The following TTC7A variants were observed in gnomAD, a reference collection of about 807,000 sequenced individuals.
TTC7A encodes tetratricopeptide repeat domain 7A, also known as tetratricopeptide repeat protein 7A.
Under a neutral mutation model 103.7 loss-of-function variants are expected in TTC7A, and 110 were observed. The observed-to-expected ratio is 1.06, with a 90% CI of 0.91 to 1.24. The LOEUF is 1.24. TTC7A is among the 50% of genes most tolerant of loss of function. The pLI is 0.00. For missense variants in TTC7A, 1,340 were observed against 1,116.3 expected (o/e 1.20, Z -2.86); for synonymous variants, 521 against 467.9 (o/e 1.11, Z -1.47).
chr2:46,991,158 C>T lies in TTC7A; in HGVS notation c.765-2292C>T, dbSNP rs78411674. On this transcript the variant is annotated intron_variant, in intron 5 of 19. Transcript: ENST00000319190. ...CTTGAACTACTGACCTCAAGTGATCCGCCAGCCTCGGCCTCCCAAAGTGCT... is the reference window on the plus strand; with the variant it reads ...CTTGAACTACTGACCTCAAGTGATCTGCCAGCCTCGGCCTCCCAAAGTGCT... Among the ~76,000 whole-genome samples the T allele has an allele frequency of 2.3e-4, 35 of 151,940 alleles. No homozygotes were observed. In the East Asian group the frequency reaches 6.9e-3, roughly 30 times the overall value.
At chr2:46,992,526 C>T (rs1411994147) in intron 5 of TTC7A, among the ~76,000 whole-genome samples, 1 of 152,156 alleles carries the variant, frequency 6.6e-6, no homozygotes, top group Non-Finnish European at 1.5e-5. Context: ...TGCTTGAGTG[C>T]TGGGGGCTGA....
intron 2 of TTC7A, among the ~76,000 whole-genome samples, chr2:46,926,032 G>C (rs1160564574): frequency 6.6e-6 from 1 of 152,186 alleles, no homozygotes; most frequent in African/African-American, 2.4e-5. Context: ...CATTCTCAGA[G>C]ACTTACTCAC....
chr2:47,068,776 A>C (rs1475073613), intron 19 of TTC7A, among the ~76,000 whole-genome samples: 1 of 149,790 alleles, frequency 6.7e-6, no homozygotes, highest in Non-Finnish European at 1.5e-5. Flanking sequence ...TCCATCACCA[A>C]CCCTGATGAG....
rs139268859 is a variant in TTC7A at position 47,054,598 on chromosome 2, C to T, written c.2152+2718C>T. Among the ~76,000 whole-genome samples, 35 of 152,074 alleles carry T rather than the reference C, an allele frequency of 2.3e-4. No individual in the cohort carries two copies. In the East Asian group the frequency reaches 5.8e-3, roughly 25 times the overall value. ...CCGTAATCCGAGCACTTTGGGAGGC[C>T]GAGGCAGGCAGACGACTTGAGCCCA... On this transcript the variant is annotated intron_variant, in intron 18 of 19. Transcript: ENST00000319190.
chr2:47,042,099 A>G (rs141291595), intron 15 of TTC7A, among the ~76,000 whole-genome samples: 6 of 152,250 alleles, frequency 3.9e-5, no homozygotes, highest in African/African-American at 1.2e-4. Flanking sequence ...GGAGATGATG[A>G]ATAAAGGTCC....
chr2:47,051,992 C>G (rs1682899251), intron 18 of TTC7A, 112 bp downstream of exon 18: 1 of 1,389,408 alleles, frequency 7.2e-7, no homozygotes, highest in Admixed American at 2.3e-5. Flanking sequence ...TTGCTAGGCC[C>G]ACGCGGGTTA....
At chr2:46,932,244 G>A (rs918709708) in intron 2 of TTC7A, among the ~76,000 whole-genome samples, 1 of 151,466 alleles carries the variant, frequency 6.6e-6, no homozygotes, top group Non-Finnish European at 1.5e-5. Context: ...CTTCCTCCTC[G>A]GTTCAAGCAA....
chr2:47,053,627 A>G (rs1000170502), intron 18 of TTC7A, among the ~76,000 whole-genome samples: 2 of 151,986 alleles, frequency 1.3e-5, no homozygotes, highest in Non-Finnish European at 2.9e-5. Flanking sequence ...GCTGGAGTGC[A>G]GTGGTGCAAT....
At chr2:46,932,540 C>T (rs77163988) in intron 2 of TTC7A, among the ~76,000 whole-genome samples, 5,331 of 151,520 alleles carry the variant, frequency 0.035, 121 homozygotes, top group Non-Finnish European at 0.053. Flanking sequence ...TTATTTTACA[C>T]AACAAAAAAT....
chr2:46,992,151 T>C (rs1051776947), intron 5 of TTC7A, among the ~76,000 whole-genome samples: 1 of 152,212 alleles, frequency 6.6e-6, no homozygotes, highest in Non-Finnish European at 1.5e-5. Context: ...CCTTGTGTGG[T>C]GTGATCCGGG....
At chr2:47,066,900 A>G (rs1329276061) in intron 19 of TTC7A, among the ~76,000 whole-genome samples, 2 of 152,172 alleles carry the variant, frequency 1.3e-5, no homozygotes, top group Non-Finnish European at 2.9e-5. Flanking sequence ...ATAAGCAGAA[A>G]CTTTTTATTT....
chr2:47,005,021 C>T (rs943152701), intron 8 of TTC7A, among the ~76,000 whole-genome samples: 14 of 152,184 alleles, frequency 9.2e-5, no homozygotes, highest in African/African-American at 2.7e-4. Flanking sequence ...TGGAATTAGA[C>T]AGAATTTCCC....
At chr2:46,932,278 T>C (rs964366701) in intron 2 of TTC7A, among the ~76,000 whole-genome samples, 1 of 151,996 alleles carries the variant, frequency 6.6e-6, no homozygotes, top group Admixed American at 6.6e-5. Context: ...GCCTCCCAAG[T>C]AGCTGGGATT....
intron 1 of TTC7A, among the ~76,000 whole-genome samples, chr2:46,947,451 C>T (rs1283970879): frequency 6.6e-6 from 1 of 152,146 alleles, no homozygotes; most frequent in Non-Finnish European, 1.5e-5. Context: ...CATAGTGGTT[C>T]ACATCTGTAA....
At chr2:46,938,275 A>G (rs1211976095), upstream of TTC7A, among the ~76,000 whole-genome samples, 1 of 152,240 alleles carries the variant, frequency 6.6e-6, no homozygotes, top group East Asian at 1.9e-4. Context: ...GTAAAGGACA[A>G]CCTTACAAAC....
intron 10 of TTC7A, among the ~76,000 whole-genome samples, chr2:47,009,146 A>C (rs1677747820): frequency 1.3e-5 from 2 of 152,104 alleles, no homozygotes; most frequent in African/African-American, 4.8e-5. Context: ...TGGTGTTCCC[A>C]GGGCAGGGCC....
intron 8 of TTC7A, among the ~76,000 whole-genome samples, chr2:47,002,684 A>G (rs1676949092): frequency 6.6e-6 from 1 of 152,022 alleles, no homozygotes; most frequent in South Asian, 2.1e-4. Flanking sequence ...CTGCACATTA[A>G]TTCTGTTCTG....
At chr2:46,924,590 A>C (rs1669285872) in intron 2 of TTC7A, among the ~76,000 whole-genome samples, 1 of 152,174 alleles carries the variant, frequency 6.6e-6, no homozygotes, top group Non-Finnish European at 1.5e-5. Flanking sequence ...ACCATGTGAT[A>C]TTCATAAGAG....
At chr2:46,942,664 T>G (rs567122452) in intron 1 of TTC7A, among the ~76,000 whole-genome samples, 1 of 152,270 alleles carries the variant, frequency 6.6e-6, no homozygotes, top group South Asian at 2.1e-4. Context: ...ATAAGGAAAC[T>G]GAGGCACAGA....
Sources: gnomAD v4.1 joint callset for allele counts (sites outside exome capture counted in the v4.1 genomes callset) on GRCh38, gnomAD v4.1.1 for gene constraint, MANE v1.5 for transcripts, NCBI Gene and HGNC (gene_info 2026-07-23, HGNC 2026-07-21) for gene names.